The following ACTR3C variants were observed in gnomAD, a reference collection of about 807,000 sequenced individuals.
ACTR3C encodes the protein actin related protein 3C.
Under a neutral mutation model 26.3 loss-of-function variants are expected in ACTR3C, and 18 were observed. The observed-to-expected ratio is 0.68, with a 90% CI of 0.47 to 1.01. The LOEUF (loss-of-function observed/expected upper bound fraction) is 1.01, where lower values mean the gene tolerates loss of function less well. ACTR3C is among the 50% of genes least tolerant of loss of function. The pLI is 0.00. For missense variants in ACTR3C, 184 were observed against 250.7 expected (o/e 0.73, Z 1.80); for synonymous variants, 55 against 94.5 (o/e 0.58, Z 2.42).
At chr7:150,180,607 G>C in the ACTR3C span, among the ~76,000 whole-genome samples, 259 of 147,382 alleles carry the variant, frequency 1.8e-3, 15 homozygotes, top group African/African-American at 6.7e-3. Flanking sequence ...CCGCCTCCCG[G>C]GTTCACGCCA....
the ACTR3C span, among the ~76,000 whole-genome samples, chr7:149,947,538 C>T: frequency 1.0e-5 from 1 of 98,512 alleles, no homozygotes; most frequent in Non-Finnish European, 1.9e-5. Flanking sequence ...TGCAATTCCC[C>T]ATCCAGCAGC....
chr7:150,212,054 TA>T, the ACTR3C span, among the ~76,000 whole-genome samples: 35 of 147,120 alleles, frequency 2.4e-4, 2 homozygotes, highest in East Asian at 6.7e-3. Flanking sequence ...TATGTCTCCA[TA>T]ATAGGAAAAT....
chr7:150,040,055 G>T, the ACTR3C span, among the ~76,000 whole-genome samples: 1 of 138,446 alleles, frequency 7.2e-6, no homozygotes, highest in East Asian at 2.0e-4. Context: ...CGCCTCGCGG[G>T]GGGTGCCTCC....
At chr7:150,029,756 C>T in the ACTR3C span, among the ~76,000 whole-genome samples, 4 of 152,136 alleles carry the variant, frequency 2.6e-5, 1 homozygote, top group South Asian at 6.2e-4. Flanking sequence ...GTGCCCTGCC[C>T]ATCTCCGAGG....
At chr7:150,284,975 A>C in intron 5 of ACTR3C, 130 bp from the exon 6 acceptor site, 1 of 890,570 alleles carries the variant, frequency 1.1e-6, no homozygotes, top group Non-Finnish European at 1.6e-6. Flanking sequence ...ATTGGAATGA[A>C]GGATATGTCA....
intron 1 of ACTR3C, among the ~76,000 whole-genome samples, chr7:150,296,513 T>C (rs1437434553): frequency 6.6e-6 from 1 of 151,328 alleles, no homozygotes; most frequent in Non-Finnish European, 1.5e-5. Context: ...AAAGAATAAA[T>C]AAACTTGATT....
intron 5 of ACTR3C, 100 bp downstream of exon 5, chr7:150,286,267 C>T: frequency 7.2e-7 from 1 of 1,395,202 alleles, no homozygotes; most frequent in Middle Eastern, 1.9e-4. Context: ...TGACGGCCAC[C>T]CTGCTCACAG....
At chr7:150,193,957 AT>A in the ACTR3C span, among the ~76,000 whole-genome samples, 29 of 141,766 alleles carry the variant, frequency 2.0e-4, no homozygotes, top group African/African-American at 5.9e-4. Flanking sequence ...TTAAAAAAAT[AT>A]ATATATATAT....
downstream of ACTR3C, among the ~76,000 whole-genome samples, chr7:150,239,978 C>A (rs1231102231): frequency 6.6e-6 from 1 of 152,126 alleles, no homozygotes; most frequent in African/African-American, 2.4e-5. Context: ...TGGTCTCAAA[C>A]TCCTAAGCTC....
intron 5 of ACTR3C, among the ~76,000 whole-genome samples, chr7:150,285,466 C>T (rs571317843): frequency 1.3e-3 from 204 of 152,264 alleles, no homozygotes; most frequent in African/African-American, 4.9e-3. Context: ...TCAAAGTAAG[C>T]TTGAATGTGC....
At chr7:150,114,415 T>C in the ACTR3C span, among the ~76,000 whole-genome samples, 1 of 151,948 alleles carries the variant, frequency 6.6e-6, no homozygotes, top group Non-Finnish European at 1.5e-5. Context: ...AAAAATTGTG[T>C]ATCCAATTTG....
intron 1 of ACTR3C, among the ~76,000 whole-genome samples, chr7:150,313,128 C>T (rs1029803371): frequency 3.3e-5 from 5 of 152,210 alleles, no homozygotes; most frequent in Non-Finnish European, 5.9e-5. Flanking sequence ...TTAACTGTAA[C>T]TTTCCACTAC....
At chr7:149,898,118 C>T in the ACTR3C span, among the ~76,000 whole-genome samples, 4 of 152,130 alleles carry the variant, frequency 2.6e-5, no homozygotes, top group African/African-American at 4.8e-5. Flanking sequence ...AGTGGAAACA[C>T]GGGCTGAAAT....
the ACTR3C span, among the ~76,000 whole-genome samples, chr7:150,039,439 T>TC: frequency 2.1e-4 from 4 of 18,642 alleles, no homozygotes; most frequent in South Asian, 1.7e-3. Context: ...CGGGGGTGCC[T>TC]CCCCCCCTGC....
chr7:149,955,811 G>A, the ACTR3C span, among the ~76,000 whole-genome samples: 1 of 152,100 alleles, frequency 6.6e-6, no homozygotes, highest in Non-Finnish European at 1.5e-5. Context: ...CATACATGAT[G>A]CCTTCATACC....
At chr7:150,119,888 C>G in the ACTR3C span, among the ~76,000 whole-genome samples, 4 of 152,368 alleles carry the variant, frequency 2.6e-5, no homozygotes, top group Admixed American at 2.6e-4. Context: ...AACAGTCTCT[C>G]AGACCATGGC....
the ACTR3C span, among the ~76,000 whole-genome samples, chr7:150,013,658 T>C: frequency 6.6e-6 from 1 of 152,264 alleles, no homozygotes; most frequent in Non-Finnish European, 1.5e-5. Context: ...CCTGTTCTCT[T>C]CTTTCTCCTT....
chr7:150,272,900 A>G (rs1174595618), intron 6 of ACTR3C, among the ~76,000 whole-genome samples: 2 of 138,446 alleles, frequency 1.4e-5, no homozygotes, highest in Non-Finnish European at 3.0e-5. Flanking sequence ...TTGCTATGTC[A>G]ACCAGGCTGG....
chr7:150,257,667 T>C (rs1426767202), intron 6 of ACTR3C, among the ~76,000 whole-genome samples: 1 of 152,294 alleles, frequency 6.6e-6, no homozygotes, highest in East Asian at 1.9e-4. Flanking sequence ...AAAACAGCAA[T>C]GCCCAATACT....
Sources: gnomAD v4.1 joint callset for allele counts (sites outside exome capture counted in the v4.1 genomes callset) on GRCh38, gnomAD v4.1.1 for gene constraint, MANE v1.5 for transcripts, NCBI Gene and HGNC (gene_info 2026-07-23, HGNC 2026-07-21) for gene names.